Variants in ROBO2 observed in about 807,000 individuals in gnomAD.
ROBO2 encodes the protein roundabout guidance receptor 2.
Under a neutral mutation model 160.8 loss-of-function variants are expected in ROBO2, and 53 were observed. The ratio of observed to expected loss-of-function variants is 0.33; its 90% CI spans 0.26 to 0.41. The LOEUF (loss-of-function observed/expected upper bound fraction) is 0.41. ROBO2 is among the 10% of genes least tolerant of loss of function. The pLI is 1.00. For missense variants in ROBO2, 1,577 were observed against 1,722.4 expected, an observed-to-expected ratio of 0.92 and a Z score of 1.49; for synonymous variants, 664 against 611.7, an observed-to-expected ratio of 1.09 and a Z score of -1.26.
chr3:76,338,793 A>C, intron 2 of ROBO2, among the ~76,000 whole-genome samples: 1 of 151,380 alleles, frequency 6.6e-6, no homozygotes, highest in East Asian at 1.9e-4. Context: ...TGATTAATAA[A>C]CATAATGAAA....
chr3:76,096,153 T>C (rs1322282641), intron 2 of ROBO2, among the ~76,000 whole-genome samples: 1 of 152,196 alleles, frequency 6.6e-6, no homozygotes, highest in East Asian at 1.9e-4. Context: ...CTGAGAATCC[T>C]GTGATTCTGG....
At chr3:76,390,262 TG>T (rs1488378188) in intron 2 of ROBO2, among the ~76,000 whole-genome samples, 3 of 152,148 alleles carry the variant, frequency 2.0e-5, no homozygotes, top group Non-Finnish European at 4.4e-5. Flanking sequence ...AATCTCACAT[TG>T]TTTTTACAAT....
At chr3:76,032,947 G>A (rs781675117) in intron 2 of ROBO2, among the ~76,000 whole-genome samples, 1 of 152,040 alleles carries the variant, frequency 6.6e-6, no homozygotes, top group Non-Finnish European at 1.5e-5. Flanking sequence ...ACAAGATAGT[G>A]TTTTCTTTTA....
intron 2 of ROBO2, among the ~76,000 whole-genome samples, chr3:76,731,053 CT>C (rs2093630934): frequency 6.6e-6 from 1 of 151,718 alleles, no homozygotes; most frequent in Non-Finnish European, 1.5e-5. Context: ...TCTTCACCTC[CT>C]ATTCCCTACC....
intron 2 of ROBO2, among the ~76,000 whole-genome samples, chr3:76,045,019 T>C (rs1425495702): frequency 6.6e-6 from 1 of 152,088 alleles, no homozygotes; most frequent in African/African-American, 2.4e-5. Flanking sequence ...GCTATTTCCA[T>C]TTTATTACAA....
intron 2 of ROBO2, among the ~76,000 whole-genome samples, chr3:76,670,793 TATC>T (rs1404373397): frequency 6.6e-6 from 1 of 151,858 alleles, no homozygotes; most frequent in Non-Finnish European, 1.5e-5. Flanking sequence ...TATTAATTAA[TATC>T]ATCTTACAAC....
At chr3:76,152,970 T>C (rs1180287785) in intron 2 of ROBO2, among the ~76,000 whole-genome samples, 1 of 152,150 alleles carries the variant, frequency 6.6e-6, no homozygotes, top group Non-Finnish European at 1.5e-5. Flanking sequence ...ATAGAACAGC[T>C]GCTATTAATT....
At chr3:76,139,866 A>G (rs543444087) in intron 2 of ROBO2, among the ~76,000 whole-genome samples, 1 of 152,206 alleles carries the variant, frequency 6.6e-6, no homozygotes, top group African/African-American at 2.4e-5. Context: ...GGGAATGGCC[A>G]TATTCTTCCA....
intron 2 of ROBO2, among the ~76,000 whole-genome samples, chr3:76,105,889 A>G (rs561923480): frequency 3.9e-5 from 6 of 152,294 alleles, no homozygotes; most frequent in African/African-American, 1.4e-4. Context: ...CATAATTAAC[A>G]AAGATTATCA....
intron 2 of ROBO2, among the ~76,000 whole-genome samples, chr3:75,975,116 T>A (rs1008291615): frequency 6.6e-6 from 1 of 151,540 alleles, no homozygotes; most frequent in Non-Finnish European, 1.5e-5. Context: ...GGGATTAGAA[T>A]TGGCTAGATA....
chr3:76,349,858 G>A (rs190291670), intron 2 of ROBO2, among the ~76,000 whole-genome samples: 72 of 152,104 alleles, frequency 4.7e-4, no homozygotes, highest in South Asian at 2.7e-3. Context: ...GGTGGATTGC[G>A]CTACAGAAGA....
chr3:77,115,868 C>T (rs1427050191), intron 2 of ROBO2, among the ~76,000 whole-genome samples: 1 of 152,100 alleles, frequency 6.6e-6, no homozygotes, highest in South Asian at 2.1e-4. Context: ...TTGGAGTGAC[C>T]TTTGGAGTGG....
At chr3:76,398,939 A>G (rs2077648416) in intron 2 of ROBO2, among the ~76,000 whole-genome samples, 1 of 151,816 alleles carries the variant, frequency 6.6e-6, no homozygotes, top group African/African-American at 2.4e-5. Flanking sequence ...ATGTAGGACA[A>G]TAATCTATTA....
intron 2 of ROBO2, among the ~76,000 whole-genome samples, chr3:76,775,562 T>C (rs966032853): frequency 1.1e-4 from 16 of 150,864 alleles, no homozygotes; most frequent in Admixed American, 4.0e-4. Flanking sequence ...AATGAATAAC[T>C]TGATTTTATC....
At chr3:77,137,615 A>T (rs1002867101) in intron 2 of ROBO2, among the ~76,000 whole-genome samples, 12 of 152,352 alleles carry the variant, frequency 7.9e-5, no homozygotes, top group Middle Eastern at 3.4e-3. Context: ...AATGATGATA[A>T]AAGTTGTTAA....
At chr3:77,289,520 G>C (rs188179500) in intron 2 of ROBO2, among the ~76,000 whole-genome samples, 7 of 151,608 alleles carry the variant, frequency 4.6e-5, no homozygotes, top group African/African-American at 1.7e-4. Context: ...CAATGGGTAA[G>C]CTGAGGCTAG....
At chr3:77,268,652 C>T (rs143794670) in intron 2 of ROBO2, among the ~76,000 whole-genome samples, 6 of 152,288 alleles carry the variant, frequency 3.9e-5, no homozygotes, top group African/African-American at 1.4e-4. Context: ...AGTCAGTTGC[C>T]TTATGCTTAT....
intron 2 of ROBO2, among the ~76,000 whole-genome samples, chr3:76,828,884 A>G (rs1174333103): frequency 1.3e-5 from 2 of 152,028 alleles, no homozygotes; most frequent in African/African-American, 4.8e-5. Flanking sequence ...CAGAAAAAAA[A>G]AAGATCTTTC....
intron 1 of ROBO2, among the ~76,000 whole-genome samples, chr3:75,907,682 A>G (rs114048152): frequency 1.6e-3 from 237 of 152,284 alleles, no homozygotes; most frequent in African/African-American, 5.4e-3. Context: ...TGAAAATGCT[A>G]TGAGAAAAGT....
Sources: gnomAD v4.1 joint callset for allele counts (sites outside exome capture counted in the v4.1 genomes callset) on GRCh38, gnomAD v4.1.1 for gene constraint, MANE v1.5 for transcripts, NCBI Gene and HGNC (gene_info 2026-07-23, HGNC 2026-07-21) for gene names.